RFX3: variants seen among roughly 807,000 people sequenced by gnomAD.
RFX3 encodes the protein regulatory factor X3, also known as transcription factor RFX3.
RFX3 carries 14 observed loss-of-function variants against 98.6 expected under a neutral mutation model. The ratio of observed to expected loss-of-function variants is 0.14; its 90% CI spans 0.09 to 0.22. The LOEUF (loss-of-function observed/expected upper bound fraction) is 0.22. Ranked by LOEUF, RFX3 falls within the 10% of genes least tolerant of loss-of-function variation. The probability of loss-of-function intolerance (pLI) is 1.00; values close to 1 mark genes in which losing one functional copy is unlikely to be tolerated. For missense variants in RFX3, 639 were observed against 926.9 expected (o/e 0.69, Z 4.03); for synonymous variants, 383 against 328.4 (o/e 1.17, Z -1.80).
At chr9:3,394,423 A>G (rs1564037776) in intron 2 of RFX3, among the ~76,000 whole-genome samples, 1 of 152,196 alleles carries the variant, frequency 6.6e-6, no homozygotes, top group African/African-American at 2.4e-5. Context: ...AGATGATGCC[A>G]CTGCACTGCA....
chr9:3,405,197 G>C (rs746757451), intron 1 of RFX3, among the ~76,000 whole-genome samples: 3 of 151,356 alleles, frequency 2.0e-5, no homozygotes, highest in Non-Finnish European at 4.4e-5. Flanking sequence ...GCGTCCCTTT[G>C]AACAGAAAAA....
intron 1 of RFX3, among the ~76,000 whole-genome samples, chr9:3,483,117 G>C (rs998101880): frequency 1.8e-4 from 28 of 152,204 alleles, no homozygotes; most frequent in African/African-American, 6.8e-4. Flanking sequence ...CACTTGGATA[G>C]TGGATGGGCA....
At chr9:3,269,117 G>A (rs1824038575) in intron 11 of RFX3, among the ~76,000 whole-genome samples, 1 of 151,730 alleles carries the variant, frequency 6.6e-6, no homozygotes, top group Non-Finnish European at 1.5e-5. Context: ...ACTTGCTGTA[G>A]GTAGAGTAGA....
intron 1 of RFX3, among the ~76,000 whole-genome samples, chr9:3,507,596 G>C (rs542761740): frequency 5.9e-5 from 9 of 151,884 alleles, no homozygotes; most frequent in African/African-American, 1.9e-4. Context: ...TTGTCCCTCC[G>C]TAACCATGGG....
At chr9:3,500,992 G>C (rs1407923920) in intron 1 of RFX3, among the ~76,000 whole-genome samples, 1 of 152,102 alleles carries the variant, frequency 6.6e-6, no homozygotes, top group Non-Finnish European at 1.5e-5. Context: ...TATCTATATT[G>C]GCAGTGTCAT....
chr9:3,423,904 C>T (rs925830501), intron 1 of RFX3, among the ~76,000 whole-genome samples: 3 of 150,348 alleles, frequency 2.0e-5, no homozygotes, highest in Non-Finnish European at 4.4e-5. Context: ...TCCCAGCACT[C>T]TGGGAGGCCG....
intron 6 of RFX3, among the ~76,000 whole-genome samples, chr9:3,288,934 A>G (rs1288043056): frequency 6.6e-6 from 1 of 152,094 alleles, no homozygotes; most frequent in Non-Finnish European, 1.5e-5. Context: ...AGAGATGGGG[A>G]AATTTCTCTA....
At chr9:3,330,612 G>A in intron 3 of RFX3, 95 bp from the exon 4 acceptor site, 1 of 1,206,794 alleles carries the variant, frequency 8.3e-7, no homozygotes, top group Non-Finnish European at 1.1e-6. Context: ...ATATTGGTTG[G>A]CTTAGCCTTT....
intron 1 of RFX3, among the ~76,000 whole-genome samples, chr9:3,514,711 T>C (rs1817984492): frequency 6.6e-6 from 1 of 152,164 alleles, no homozygotes. Flanking sequence ...AGCCTCCCAA[T>C]GTGCTGGGAT....
At chr9:3,284,235 A>G (rs1826285037) in intron 7 of RFX3, among the ~76,000 whole-genome samples, 1 of 151,772 alleles carries the variant, frequency 6.6e-6, no homozygotes, top group Admixed American at 6.6e-5. Flanking sequence ...TCTAAAATAT[A>G]CATGCCAATA....
chr9:3,428,119 T>C (rs930602753), intron 1 of RFX3, among the ~76,000 whole-genome samples: 10 of 152,188 alleles, frequency 6.6e-5, no homozygotes, highest in African/African-American at 2.2e-4. Context: ...TTGCCTCATA[T>C]ATTTTGTTCA....
At chr9:3,238,769 C>T (rs552425563) in intron 15 of RFX3, among the ~76,000 whole-genome samples, 1 of 152,302 alleles carries the variant, frequency 6.6e-6, no homozygotes, top group South Asian at 2.1e-4. Context: ...AGGCGGATCA[C>T]GTGAGGTCGG....
At chr9:3,323,471 T>C (rs1343201283) in intron 4 of RFX3, among the ~76,000 whole-genome samples, 2 of 152,184 alleles carry the variant, frequency 1.3e-5, no homozygotes, top group East Asian at 1.9e-4. Context: ...TTAAAAATTA[T>C]GTTAGTTTCA....
At chr9:3,469,028 T>C (rs1848555790) in intron 1 of RFX3, 1 of 332,730 alleles carries the variant, frequency 3.0e-6, no homozygotes, top group Non-Finnish European at 6.0e-6. Context: ...GTAGCCAAAA[T>C]TTAGAAAAAT....
chr9:3,427,928 C>T (rs1390544234), intron 1 of RFX3, among the ~76,000 whole-genome samples: 1 of 152,056 alleles, frequency 6.6e-6, no homozygotes, highest in Admixed American at 6.6e-5. Context: ...GGCCTAGATT[C>T]TGGTCTCTGC....
chr9:3,422,737 G>A (rs1210995735), intron 1 of RFX3, among the ~76,000 whole-genome samples: 1 of 152,070 alleles, frequency 6.6e-6, no homozygotes, highest in Non-Finnish European at 1.5e-5. Context: ...CAAAAAATGT[G>A]CACTGACTGA....
At chr9:3,313,645 T>TAA (rs1830227219) in intron 4 of RFX3, among the ~76,000 whole-genome samples, 1 of 152,142 alleles carries the variant, frequency 6.6e-6, no homozygotes, top group African/African-American at 2.4e-5. Flanking sequence ...GACGAATGGC[T>TAA]AACTAGAATA....
chr9:3,509,944 AGGAGG>A (rs1191808935), intron 1 of RFX3, among the ~76,000 whole-genome samples: 2 of 151,928 alleles, frequency 1.3e-5, no homozygotes, highest in African/African-American at 4.8e-5. Context: ...GGGAGGAGGA[AGGAGG>A]GGTTCAACTT....
At chr9:3,301,508 A>G (rs768230062) in intron 5 of RFX3, 38 bp downstream of exon 5, 1 of 1,405,162 alleles carries the variant, frequency 7.1e-7, no homozygotes, top group Non-Finnish European at 1.0e-6. Context: ...ATGCAGAACA[A>G]GCAAGAGATT....
Sources: allele counts gnomAD v4.1 joint callset (sites outside exome capture counted in the v4.1 genomes callset), GRCh38; gene constraint gnomAD v4.1.1; transcripts MANE v1.5; gene names NCBI Gene and HGNC (gene_info 2026-07-23, HGNC 2026-07-21).